SLA2: variants seen among roughly 807,000 people sequenced by gnomAD.
SLA2 encodes Src like adaptor 2.
A neutral mutation model predicts 27.3 loss-of-function variants in SLA2; 22 were observed. The observed-to-expected ratio is 0.81, with a 90% CI of 0.58 to 1.15. The LOEUF (loss-of-function observed/expected upper bound fraction) is 1.15. Ranked by LOEUF, SLA2 falls within the 50% of genes most tolerant of loss-of-function variation. The pLI is 0.00. For synonymous variants in SLA2, 131 were observed against 137.8 expected, an observed-to-expected ratio of 0.95 and a Z score of 0.34; for missense variants, 304 against 322.2, an observed-to-expected ratio of 0.94 and a Z score of 0.43.
At chr20:36,638,058 A>AT (rs1218897235) in intron 2 of SLA2, among the ~76,000 whole-genome samples, 1 of 149,188 alleles carries the variant, frequency 6.7e-6, no homozygotes, top group African/African-American at 2.5e-5. Flanking sequence ...CGCCCAGCTA[A>AT]TTTTTTGTAT....
In SLA2 at chr20:36,621,204, C is replaced by T. The variant is rs181174086; in HGVS notation, c.383-5830G>A. ...AAGGTGGTGGATATGGTGGCGGTGG[C>T]GGAGGATATGATGGTTACAATGAAG... On this transcript the variant is annotated intron_variant, in intron 5 of 7. Transcript: ENST00000262866. 2,741 of 479,180 alleles carry T rather than the reference C, an allele frequency of 5.7e-3. 31 individuals are homozygous for T. The highest frequency in any genetic ancestry group is 6.6e-3 in the Non-Finnish European group (1,606 of 244,188). The allele number at this position is 479,180 out of a possible 1,614,324, so 29.7% of individuals were successfully genotyped here.
At chr20:36,635,517 C>T (rs2039435788) in intron 2 of SLA2, among the ~76,000 whole-genome samples, 2 of 151,826 alleles carry the variant, frequency 1.3e-5, no homozygotes, top group African/African-American at 4.8e-5. Flanking sequence ...AGGGCCTGTG[C>T]TCCGGGTGGG....
At chr20:36,626,032 A>C (rs549965305) in intron 5 of SLA2, among the ~76,000 whole-genome samples, 3 of 152,182 alleles carry the variant, frequency 2.0e-5, no homozygotes, top group South Asian at 2.1e-4. Flanking sequence ...TGGGAGGCCA[A>C]GGTGGGTGGA....
chr20:36,626,553 TA>T (rs566064318), intron 5 of SLA2, among the ~76,000 whole-genome samples: 198 of 135,302 alleles, frequency 1.5e-3, no homozygotes, highest in Middle Eastern at 9.6e-3. Context: ...GACCCTGTCT[TA>T]AAAAAAAAAA....
intron 1 of SLA2, among the ~76,000 whole-genome samples, chr20:36,642,672 G>A (rs543427673): frequency 2.6e-5 from 4 of 151,966 alleles, no homozygotes; most frequent in South Asian, 2.1e-4. Flanking sequence ...TGCAACTTCC[G>A]CCTCCTGGGT....
intron 2 of SLA2, among the ~76,000 whole-genome samples, chr20:36,637,184 CGTGT>C (rs1300468926): frequency 5.6e-5 from 8 of 143,496 alleles, no homozygotes; most frequent in South Asian, 2.2e-4. Context: ...CTAAGGTGCG[CGTGT>C]GTGTATTTTT....
At chr20:36,622,008 T>C (rs2039288059) in intron 5 of SLA2, among the ~76,000 whole-genome samples, 1 of 151,506 alleles carries the variant, frequency 6.6e-6, no homozygotes, top group Admixed American at 6.6e-5. Context: ...AGAGGAAGAC[T>C]CTGTCTCAAT....
chr20:36,622,239 T>C (rs1360793649), intron 5 of SLA2, among the ~76,000 whole-genome samples: 4 of 148,356 alleles, frequency 2.7e-5, no homozygotes, highest in Non-Finnish European at 3.0e-5. Context: ...TAGCTGGGCA[T>C]GGTGGCATGC....
At chr20:36,639,575 C>T (rs931899721) in intron 2 of SLA2, among the ~76,000 whole-genome samples, 22 of 151,860 alleles carry the variant, frequency 1.4e-4, no homozygotes, top group African/African-American at 5.3e-4. Flanking sequence ...GAATTGCGGC[C>T]GGGTGCAGTG....
chr20:36,635,429 G>T (rs571632625), intron 2 of SLA2, among the ~76,000 whole-genome samples: 1 of 151,122 alleles, frequency 6.6e-6, no homozygotes, highest in Admixed American at 6.7e-5. Flanking sequence ...ATGGAGCTGG[G>T]ACCCCAGGAA....
In SLA2 at chr20:36,615,132, A is replaced by G. The variant is rs2039193249; in HGVS notation, c.532+93T>C. ...AGGCCGCTCTTCTGTCTGTCTGAAT[A>G]CTCCACAGTAGGTAAAATATCCAAG... On this transcript the variant is annotated intron_variant, in intron 6 of 7. Coordinates refer to ENST00000262866, the MANE Select transcript of SLA2 (RefSeq NM_032214.4). The G allele has an allele frequency of 3.2e-6, 5 of 1,576,034 alleles. No individual in the cohort carries two copies. In the Admixed American group the frequency reaches 9.1e-5, roughly 29 times the overall value.
chr20:36,641,420 G>A, intron 1 of SLA2, 42 bp from the exon 2 acceptor site: 1 of 1,234,970 alleles, frequency 8.1e-7, no homozygotes, highest in Admixed American at 1.8e-5. Context: ...GAGGCTTCTG[G>A]CCCAATCTCA....
intron 2 of SLA2, among the ~76,000 whole-genome samples, chr20:36,636,995 G>A (rs2039457206): frequency 2.0e-5 from 3 of 151,392 alleles, no homozygotes; most frequent in African/African-American, 2.4e-5. Context: ...CTGTTTTACT[G>A]TAGTGGTGAC....
At chr20:36,629,956 C>T (rs911528654) in intron 5 of SLA2, among the ~76,000 whole-genome samples, 2 of 151,844 alleles carry the variant, frequency 1.3e-5, no homozygotes, top group African/African-American at 4.8e-5. Flanking sequence ...AAAAAAGTCT[C>T]CATACGGCTT....
At chr20:36,626,793 G>A (rs1288494062) in intron 5 of SLA2, among the ~76,000 whole-genome samples, 7 of 147,602 alleles carry the variant, frequency 4.7e-5, no homozygotes, top group South Asian at 2.1e-4. Context: ...GCAGTGAGCC[G>A]AGATCCCGCC....
At chr20:36,618,065 T>C (rs1012294325) in intron 5 of SLA2, among the ~76,000 whole-genome samples, 6 of 149,070 alleles carry the variant, frequency 4.0e-5, no homozygotes, top group Non-Finnish European at 8.9e-5. Context: ...GAGAATGGCG[T>C]GAACCCAGGA....
intron 2 of SLA2, among the ~76,000 whole-genome samples, chr20:36,640,390 T>C (rs1226946919): frequency 6.6e-6 from 1 of 152,166 alleles, no homozygotes; most frequent in Non-Finnish European, 1.5e-5. Flanking sequence ...TAGGACAGTA[T>C]AGCAGAACTT....
In SLA2 at chr20:36,612,984, AAG is replaced by A. The variant is rs2039159337; in HGVS notation, c.*880_*881del. On this transcript the variant is annotated 3_prime_UTR_variant, in exon 8 of 8. Transcript: ENST00000262866. Reference sequence around the variant, plus strand: ...TGTAATCCCAGCACTTTGGGAGGCCAAGGTGGGTGGATCACCTGAGGTCAGGA... The same window carrying A: ...TGTAATCCCAGCACTTTGGGAGGCCAGTGGGTGGATCACCTGAGGTCAGGA... 6.6e-6 allele frequency: 1 copy of A among 152,500 alleles called. No individual in the cohort carries two copies. Among genetic ancestry groups the A allele is most frequent in the African/African-American group, 2.4e-5 (1 of 41,472 alleles). 9.4% of individuals were successfully genotyped at this position (152,500 alleles called of 1,614,324 possible).
chr20:36,618,607 T>C (rs1176328184), intron 5 of SLA2, among the ~76,000 whole-genome samples: 1 of 151,692 alleles, frequency 6.6e-6, no homozygotes. Context: ...TAGAAATTAA[T>C]AAGGAAAAGG....
Sources: gnomAD v4.1 joint callset for allele counts (sites outside exome capture counted in the v4.1 genomes callset) on GRCh38, gnomAD v4.1.1 for gene constraint, MANE v1.5 for transcripts, NCBI Gene and HGNC (gene_info 2026-07-23, HGNC 2026-07-21) for gene names.